NDUFAF6: variants seen among roughly 807,000 people sequenced by gnomAD.
NDUFAF6 encodes NADH:ubiquinone oxidoreductase complex assembly factor 6, also known as NADH dehydrogenase (ubiquinone) complex I, assembly factor 6.
NDUFAF6 carries 45 observed loss-of-function variants against 40.8 expected under a neutral mutation model. The observed-to-expected ratio is 1.10, with a 90% CI of 0.87 to 1.42. The LOEUF (loss-of-function observed/expected upper bound fraction) is 1.42. NDUFAF6 is among the 40% of genes most tolerant of loss of function. NDUFAF6 has a pLI of 0.00. For synonymous variants in NDUFAF6, 185 were observed against 155.9 expected, an observed-to-expected ratio of 1.19 and a Z score of -1.39; for missense variants, 435 against 418.5, an observed-to-expected ratio of 1.04 and a Z score of -0.34.
intron 1 of NDUFAF6, among the ~76,000 whole-genome samples, chr8:94,897,228 G>GT (rs1442637722): frequency 6.6e-6 from 1 of 152,146 alleles, no homozygotes; most frequent in African/African-American, 2.4e-5. Context: ...TCAGTACTGA[G>GT]TTAACTAGTA....
chr8:95,071,183 A>G (rs371527948), intron 9 of NDUFAF6, among the ~76,000 whole-genome samples: 7 of 151,724 alleles, frequency 4.6e-5, no homozygotes, highest in Non-Finnish European at 1.0e-4. Context: ...GAGGTCAGGA[A>G]ATCAAGACCA....
intron 2 of NDUFAF6, among the ~76,000 whole-genome samples, chr8:95,015,520 T>C (rs1027352884): frequency 6.6e-6 from 1 of 152,268 alleles, no homozygotes; most frequent in Non-Finnish European, 1.5e-5. Context: ...CTTTTAAACT[T>C]AGGACAAGCA....
At chr8:94,937,833 T>A (rs1821141858) in intron 1 of NDUFAF6, among the ~76,000 whole-genome samples, 1 of 152,040 alleles carries the variant, frequency 6.6e-6, no homozygotes, top group South Asian at 2.1e-4. Flanking sequence ...TGCAGCTGTA[T>A]TGTCTGGTGG....
intron 1 of NDUFAF6, among the ~76,000 whole-genome samples, chr8:94,920,217 G>T (rs1315505012): frequency 1.3e-5 from 2 of 152,092 alleles, no homozygotes; most frequent in Non-Finnish European, 2.9e-5. Flanking sequence ...TCGGTGTCTT[G>T]GATCACAGAT....
intron 4 of NDUFAF6, among the ~76,000 whole-genome samples, chr8:95,043,086 CTTTT>C (rs113805309): frequency 3.8e-5 from 5 of 132,572 alleles, no homozygotes; most frequent in Non-Finnish European, 3.3e-5. Flanking sequence ...GCAGTGGTTT[CTTTT>C]TTTTTTTTTT....
upstream of NDUFAF6, among the ~76,000 whole-genome samples, chr8:95,096,884 G>C (rs1444428366): frequency 6.6e-6 from 1 of 152,206 alleles, no homozygotes; most frequent in Admixed American, 6.5e-5. Context: ...GGAAGGGGTT[G>C]GTTCTGTGTT....
At chr8:95,046,217 C>T (rs1214306257) in intron 5 of NDUFAF6, among the ~76,000 whole-genome samples, 1 of 152,056 alleles carries the variant, frequency 6.6e-6, no homozygotes, top group Non-Finnish European at 1.5e-5. Context: ...CGTGCCACCA[C>T]GCCCAGCTAA....
intron 2 of NDUFAF6, among the ~76,000 whole-genome samples, chr8:95,093,522 C>T (rs559567227): frequency 1.3e-5 from 2 of 152,274 alleles, no homozygotes; most frequent in South Asian, 4.2e-4. Flanking sequence ...ACAATGTATA[C>T]CCAATCACTC....
intron 1 of NDUFAF6, among the ~76,000 whole-genome samples, chr8:94,942,463 T>C (rs1269462398): frequency 6.6e-6 from 1 of 152,234 alleles, no homozygotes; most frequent in East Asian, 1.9e-4. Context: ...AGCCAAACTG[T>C]TGTCTCTGAG....
chr8:95,003,341 A>T (rs1826820094), intron 2 of NDUFAF6, among the ~76,000 whole-genome samples: 1 of 152,254 alleles, frequency 6.6e-6, no homozygotes, highest in Non-Finnish European at 1.5e-5. Context: ...TAATGGAGTG[A>T]CTTACGTCAC....
At chr8:94,927,778 T>C (rs980209509) in intron 1 of NDUFAF6, 6 of 152,554 alleles carry the variant, frequency 3.9e-5, no homozygotes, top group African/African-American at 1.4e-4. Context: ...ACACCACATA[T>C]TCCAGACTTT....
chr8:94,977,154 A>AG (rs1180602210), intron 1 of NDUFAF6, among the ~76,000 whole-genome samples: 13 of 151,804 alleles, frequency 8.6e-5, no homozygotes, highest in African/African-American at 3.1e-4. Flanking sequence ...AAAAAAAAAA[A>AG]AAAAAAAGGT....
chr8:94,982,034 C>T (rs1424380749), intron 2 of NDUFAF6, among the ~76,000 whole-genome samples: 1 of 151,946 alleles, frequency 6.6e-6, no homozygotes, highest in Non-Finnish European at 1.5e-5. Context: ...TTGAGACCAT[C>T]CTGGCTAACA....
chr8:94,899,925 C>T (rs540712602), intron 1 of NDUFAF6, among the ~76,000 whole-genome samples: 1 of 152,276 alleles, frequency 6.6e-6, no homozygotes, highest in South Asian at 2.1e-4. Context: ...AGGAGATCCC[C>T]CTACATGGAG....
downstream of NDUFAF6, among the ~76,000 whole-genome samples, chr8:95,059,967 G>A (rs984852729): frequency 1.3e-5 from 2 of 151,860 alleles, no homozygotes; most frequent in Non-Finnish European, 2.9e-5. Flanking sequence ...TTGTCTGCAG[G>A]TCTTCCCAAG....
chr8:94,911,239 G>A (rs367600128), intron 1 of NDUFAF6, among the ~76,000 whole-genome samples: 189 of 152,268 alleles, frequency 1.2e-3, no homozygotes, highest in African/African-American at 4.3e-3. Context: ...GCATGGGTTT[G>A]AGATAAACAG....
In NDUFAF6 at chr8:95,025,064, G is replaced by A. The variant is rs1434847567; in HGVS notation, c.56G>A (p.Gly19Asp). Residue 19 changes from glycine to aspartate, a missense_variant, in exon 1 of 9, where the codon GGC becomes GAC. Transcript: ENST00000396124. ...GGGCCGTTGCGGCTTGGCATCCCCGGCCTGTGCTGCCGCCGGCCGCCTCTG... is the reference window on the plus strand; with the variant it reads ...GGGCCGTTGCGGCTTGGCATCCCCGACCTGTGCTGCCGCCGGCCGCCTCTG... ...VWGPLRLGIP[G>D]LCCRRPPLGL... 2 of 1,434,240 alleles carry A rather than the reference G, an allele frequency of 1.4e-6. No individual in the cohort carries two copies. The highest frequency in any genetic ancestry group is 1.5e-5 in the South Asian group (1 of 68,520). 88.8% of individuals were successfully genotyped at this position (1,434,240 alleles called of 1,614,324 possible). A position where few individuals can be genotyped will look rare whatever the true frequency, so the allele number is the denominator to read the frequency against.
chr8:94,903,497 C>A (rs1818163851), intron 1 of NDUFAF6, among the ~76,000 whole-genome samples: 1 of 152,130 alleles, frequency 6.6e-6, no homozygotes, highest in Non-Finnish European at 1.5e-5. Context: ...CAATATGATA[C>A]CATTTATATA....
chr8:94,969,879 G>C (rs535994620), intron 1 of NDUFAF6, among the ~76,000 whole-genome samples: 1 of 152,250 alleles, frequency 6.6e-6, no homozygotes, highest in East Asian at 1.9e-4. Flanking sequence ...GACATGAACA[G>C]ACAGTTTGAA....
Sources: gnomAD v4.1 joint callset for allele counts (sites outside exome capture counted in the v4.1 genomes callset) on GRCh38, gnomAD v4.1.1 for gene constraint, MANE v1.5 for transcripts, NCBI Gene and HGNC (gene_info 2026-07-23, HGNC 2026-07-21) for gene names.